Variants in ATP11B observed in about 807,000 individuals in gnomAD.
ATP11B encodes ATPase phospholipid transporting 11B (putative).
A neutral mutation model predicts 157.8 loss-of-function variants in ATP11B; 81 were observed. The ratio of observed to expected loss-of-function variants is 0.51; its 90% CI spans 0.43 to 0.62. ATP11B has a LOEUF of 0.62. ATP11B is among the 20% of genes least tolerant of loss of function. The pLI is 0.00. For synonymous variants in ATP11B, 451 were observed against 469.4 expected (o/e 0.96, Z 0.51); for missense variants, 1,165 against 1,402.2 (o/e 0.83, Z 2.70).
At position 182,877,675 on chromosome 3, in the gene ATP11B, G is replaced by C. The variant is rs912376207; in HGVS notation, c.2253-1821G>C. On this transcript the variant is annotated intron_variant, in intron 19 of 29. Coordinates refer to ENST00000323116, the MANE Select transcript of ATP11B (RefSeq NM_014616.3). ...AAAGGCAGCAAAGGGGGCAGTGCGT[G>C]CAGATTCCCAGAGCTGAGAGAGAGG... Among the ~76,000 whole-genome samples, 17 of 152,036 alleles carry C rather than the reference G, an allele frequency of 1.1e-4. 1 individual carries two copies. Among genetic ancestry groups the C allele is most frequent in the African/African-American group, 3.1e-4 (13 of 41,404 alleles).
intron 21 of ATP11B, among the ~76,000 whole-genome samples, chr3:182,881,247 A>G (rs1722403875): frequency 6.6e-6 from 1 of 152,190 alleles, no homozygotes; most frequent in Non-Finnish European, 1.5e-5. Flanking sequence ...CAACCTGACC[A>G]ACGTGGTGAA....
chr3:182,833,224 A>G (rs2108508277), intron 4 of ATP11B, among the ~76,000 whole-genome samples: 1 of 152,320 alleles, frequency 6.6e-6, no homozygotes, highest in East Asian at 1.9e-4. Flanking sequence ...AAGGAAAGGT[A>G]TCATATAGGA....
At chr3:182,884,173 G>T (rs962487923) in intron 21 of ATP11B, among the ~76,000 whole-genome samples, 1 of 151,896 alleles carries the variant, frequency 6.6e-6, no homozygotes, top group Non-Finnish European at 1.5e-5. Context: ...AAGGATTATT[G>T]TAACCATTAA....
At chr3:182,894,960 A>G (rs1723430826) in intron 25 of ATP11B, among the ~76,000 whole-genome samples, 1 of 136,070 alleles carries the variant, frequency 7.3e-6, no homozygotes, top group South Asian at 2.4e-4. Flanking sequence ...TCTGTAAAAA[A>G]TACAAAAAAA....
intron 7 of ATP11B, among the ~76,000 whole-genome samples, chr3:182,839,965 C>T (rs1718873337): frequency 6.6e-6 from 1 of 152,120 alleles, no homozygotes; most frequent in Non-Finnish European, 1.5e-5. Context: ...AAAGTATTTT[C>T]CATTATAGTG....
At chr3:182,853,001 A>G (rs600410) in intron 10 of ATP11B, among the ~76,000 whole-genome samples, 79,289 of 152,044 alleles carry the variant, frequency 0.52, 23,391 homozygotes, top group Non-Finnish European at 0.67. Flanking sequence ...TAGACTATCC[A>G]GTCTCACTAC....
chr3:182,800,542 A>G (rs572100102), intron 1 of ATP11B, among the ~76,000 whole-genome samples: 1 of 151,788 alleles, frequency 6.6e-6, no homozygotes, highest in South Asian at 2.1e-4. Context: ...TTTGTATTTA[A>G]TTTTTTTGCA....
chr3:182,804,268 CAG>C (rs1457734787), intron 1 of ATP11B, among the ~76,000 whole-genome samples: 2 of 149,586 alleles, frequency 1.3e-5, no homozygotes, highest in African/African-American at 2.5e-5. Flanking sequence ...TCTTTTGAGA[CAG>C]AGTCTCCCTC....
rs532908259 is a variant in ATP11B, at chr3:182,815,207, A to G, written c.28-5053A>G. On this transcript the variant is annotated intron_variant, in intron 1 of 29. Transcript: ENST00000323116. ...GACTGGTCTGATAGATGGCAAACTA[A>G]CTTAAATCCTGAAGTGAAAGTTATG... Among the ~76,000 whole-genome samples the G allele has an allele frequency of 4.6e-5, 7 of 152,352 alleles. No individual in the cohort carries two copies. The South Asian group carries it at 1.2e-3, about 27-fold the overall frequency.
At position 182,919,458 on chromosome 3, in the gene ATP11B, C is replaced by A. The variant is rs1725330163; in HGVS notation, c.*1354C>A. ...AATTTATCAAGTAGTTCAGTATTGTCATTTGTTTTTGTTTTATTGAAAAGT... is the reference window on the plus strand; with the variant it reads ...AATTTATCAAGTAGTTCAGTATTGTAATTTGTTTTTGTTTTATTGAAAAGT... On this transcript the variant is annotated 3_prime_UTR_variant, in exon 30 of 30. Coordinates refer to ENST00000323116, the MANE Select transcript of ATP11B (RefSeq NM_014616.3). 1 of 152,592 alleles carries A rather than the reference C, an allele frequency of 6.6e-6. No individual in the cohort carries two copies. The highest frequency in any genetic ancestry group is 1.5e-5 in the Non-Finnish European group (1 of 68,000). The allele number at this position is 152,592 out of a possible 1,614,324, so 9.5% of individuals were successfully genotyped here.
At chr3:182,914,030 G>A (rs1337187234) in intron 29 of ATP11B, 36 bp downstream of exon 29, 1 of 1,612,424 alleles carries the variant, frequency 6.2e-7, no homozygotes, top group South Asian at 1.1e-5. Context: ...TGCTGCAGAT[G>A]AGTATCCTAT....
chr3:182,831,693 C>A (rs967852687), intron 4 of ATP11B, among the ~76,000 whole-genome samples: 1 of 152,028 alleles, frequency 6.6e-6, no homozygotes, highest in African/African-American at 2.4e-5. Flanking sequence ...CTGGAAAGTT[C>A]TTCTGCCAGA....
In ATP11B at chr3:182,884,849, A is replaced by T; in HGVS notation, c.2606A>T (p.His869Leu). Residue 869 changes from histidine to leucine, a missense_variant, in exon 22 of 30, where the codon CAT (histidine) becomes CTT (leucine). Physicochemically the swap from His to Leu is moderately conservative, Grantham distance 99. Coordinates refer to ENST00000323116, the MANE Select transcript of ATP11B (RefSeq NM_014616.3). ...TCCAAATTGCTTTTTGTTCATGGTCATTTTTATTATATTAGAATAGCTACC... is the reference window on the plus strand; with the variant it reads ...TCCAAATTGCTTTTTGTTCATGGTCTTTTTTATTATATTAGAATAGCTACC... The part of the protein sequence containing the change: ...FLSKLLFVHG[H>L]FYYIRIATLV... 6 of 1,566,312 alleles carry T rather than the reference A, an allele frequency of 3.8e-6. No homozygotes were observed. Among genetic ancestry groups the T allele is most frequent in the Non-Finnish European group, 5.2e-6 (6 of 1,142,862 alleles).
intron 14 of ATP11B, among the ~76,000 whole-genome samples, chr3:182,867,137 C>T (rs529662775): frequency 6.6e-6 from 1 of 151,490 alleles, no homozygotes; most frequent in African/African-American, 2.4e-5. Flanking sequence ...CCATGTTAGC[C>T]AGACTGGTCT....
At chr3:182,865,042 C>T (rs1721124874) in intron 12 of ATP11B, among the ~76,000 whole-genome samples, 1 of 152,188 alleles carries the variant, frequency 6.6e-6, no homozygotes, top group South Asian at 2.1e-4. Flanking sequence ...CTATTCCTAG[C>T]TCTGCACTAT....
At chr3:182,908,587 A>G (rs1316176514) in intron 28 of ATP11B, 1 of 152,164 alleles carries the variant, frequency 6.6e-6, no homozygotes, top group African/African-American at 2.4e-5. Context: ...AATCTTTCTA[A>G]GTTGTTTATT....
chr3:182,800,962 A>G (rs920418033), intron 1 of ATP11B, among the ~76,000 whole-genome samples: 3 of 138,428 alleles, frequency 2.2e-5, no homozygotes, highest in East Asian at 2.3e-4. Context: ...ACCATGCCCA[A>G]CGGATTTTTT....
rs10222374 is a variant in ATP11B at position 182,793,563 on chromosome 3, C to T, written c.-197C>T. On this transcript the variant is annotated 5_prime_UTR_variant, in exon 1 of 30. Transcript: ENST00000323116. ...CAGCTGCGCCGGGCGGGGGCGGCGC[C>T]GGGGCCGCGCCTGTAGGACTCGGGG... is the stretch of plus-strand genomic sequence containing the variant. 247,254 of 364,318 alleles carry T rather than the reference C, an allele frequency of 0.68. 87,427 individuals are homozygous for T. Among genetic ancestry groups the T allele is most frequent in the Non-Finnish European group, 0.76 (156,829 of 205,072 alleles). 22.6% of individuals were successfully genotyped at this position (364,318 alleles called of 1,614,324 possible).
At chr3:182,852,302 G>T (rs1720040808) in intron 10 of ATP11B, among the ~76,000 whole-genome samples, 1 of 152,140 alleles carries the variant, frequency 6.6e-6, no homozygotes, top group African/African-American at 2.4e-5. Flanking sequence ...CTATAAAGTT[G>T]ACAAATTCCT....
Sources: gnomAD v4.1 joint callset for allele counts (sites outside exome capture counted in the v4.1 genomes callset) on GRCh38, gnomAD v4.1.1 for gene constraint, MANE v1.5 for transcripts, NCBI Gene and HGNC (gene_info 2026-07-23, HGNC 2026-07-21) for gene names.